Variants in GRM5 observed in about 807,000 individuals in gnomAD.
The protein encoded by GRM5 is metabotropic glutamate receptor 5.
GRM5 carries 19 observed loss-of-function variants against 83.1 expected under a neutral mutation model. That is an observed-to-expected ratio of 0.23 (90% CI 0.16 to 0.34). The LOEUF (loss-of-function observed/expected upper bound fraction) is 0.34, where lower values mean the gene tolerates loss of function less well. Among genes scored for constraint, GRM5 ranks in the 10% least tolerant of loss-of-function variants. The pLI, the probability that GRM5 is intolerant of heterozygous loss-of-function variation, is 1.00. For missense variants in GRM5, 1,160 were observed against 1,588.3 expected, an observed-to-expected ratio of 0.73 and a Z score of 4.58; for synonymous variants, 675 against 633.6, an observed-to-expected ratio of 1.07 and a Z score of -0.98.
chr11:88,831,389 T>C (rs1426644555), intron 3 of GRM5, among the ~76,000 whole-genome samples: 1 of 152,196 alleles, frequency 6.6e-6, no homozygotes, highest in Non-Finnish European at 1.5e-5. Flanking sequence ...CTCCTGCCTA[T>C]GGCTTTTGCC....
intron 3 of GRM5, among the ~76,000 whole-genome samples, chr11:88,720,101 A>AAGAC (rs1243032912): frequency 2.6e-5 from 4 of 152,006 alleles, no homozygotes; most frequent in African/African-American, 4.8e-5. Flanking sequence ...AAGTCCCGTG[A>AAGAC]AGACAGAACC....
At chr11:88,885,463 T>C (rs1193337132) in intron 2 of GRM5, among the ~76,000 whole-genome samples, 2 of 116,094 alleles carry the variant, frequency 1.7e-5, no homozygotes, top group Admixed American at 2.1e-4. Context: ...TTTTTTTTTT[T>C]TTTTTTTTTT....
intron 4 of GRM5, among the ~76,000 whole-genome samples, chr11:88,619,425 C>A (rs567237328): frequency 6.6e-6 from 1 of 152,186 alleles, no homozygotes; most frequent in Middle Eastern, 3.2e-3. Context: ...AACACTGGCT[C>A]CATATTCTCA....
At chr11:88,675,505 T>G (rs1940305065) in intron 3 of GRM5, among the ~76,000 whole-genome samples, 1 of 151,922 alleles carries the variant, frequency 6.6e-6, no homozygotes, top group Non-Finnish European at 1.5e-5. Flanking sequence ...ATTTATGTCT[T>G]CAAGAAAATT....
chr11:88,858,593 T>C (rs1307526974), intron 2 of GRM5, among the ~76,000 whole-genome samples: 4 of 152,030 alleles, frequency 2.6e-5, no homozygotes, highest in Non-Finnish European at 5.9e-5. Flanking sequence ...GTGACAGTTT[T>C]AACTGCCATA....
At chr11:88,748,351 C>T (rs1942187794) in intron 3 of GRM5, among the ~76,000 whole-genome samples, 1 of 152,128 alleles carries the variant, frequency 6.6e-6, no homozygotes, top group Non-Finnish European at 1.5e-5. Flanking sequence ...CAGTATTGTT[C>T]TGCAGGCCCT....
chr11:88,615,399 T>A, intron 4 of GRM5, among the ~76,000 whole-genome samples: 1 of 152,194 alleles, frequency 6.6e-6, no homozygotes, highest in East Asian at 1.9e-4. Flanking sequence ...ATGATTTGTT[T>A]CAGCATTCAT....
intron 3 of GRM5, among the ~76,000 whole-genome samples, chr11:88,681,386 A>G (rs915089899): frequency 6.6e-6 from 1 of 151,338 alleles, no homozygotes; most frequent in Non-Finnish European, 1.5e-5. Flanking sequence ...CTTTTTTGCA[A>G]TTTACTTTTT....
At chr11:88,652,419 A>G (rs544179065) in intron 4 of GRM5, among the ~76,000 whole-genome samples, 2 of 152,148 alleles carry the variant, frequency 1.3e-5, no homozygotes, top group Admixed American at 1.3e-4. Context: ...CTTTTTGGAC[A>G]TGTTACAAAT....
chr11:88,538,133 C>G (rs950803242), intron 8 of GRM5, among the ~76,000 whole-genome samples: 16 of 150,076 alleles, frequency 1.1e-4, no homozygotes, highest in African/African-American at 3.4e-4. Context: ...AAGAACAAAC[C>G]AACCACGGGA....
At chr11:88,841,680 TC>T (rs1476269777) in intron 3 of GRM5, among the ~76,000 whole-genome samples, 1 of 152,208 alleles carries the variant, frequency 6.6e-6, no homozygotes, top group African/African-American at 2.4e-5. Flanking sequence ...CAGACCGGAA[TC>T]CACAGTACAT....
chr11:89,036,342 A>C (rs1355076188), intron 2 of GRM5, among the ~76,000 whole-genome samples: 1 of 152,124 alleles, frequency 6.6e-6, no homozygotes, highest in Non-Finnish European at 1.5e-5. Context: ...AGAGTCTAAA[A>C]TTCACTACAT....
At chr11:88,906,647 A>G (rs604726) in intron 2 of GRM5, among the ~76,000 whole-genome samples, 143,513 of 152,248 alleles carry the variant, frequency 0.94, 67,700 homozygotes, top group South Asian at 0.97. Flanking sequence ...AATAACCACA[A>G]TTATGGTGTA....
chr11:88,555,374 G>A (rs559456156), intron 8 of GRM5, among the ~76,000 whole-genome samples: 3 of 152,210 alleles, frequency 2.0e-5, no homozygotes, highest in African/African-American at 4.8e-5. Flanking sequence ...CAAAACACAT[G>A]GAAAAGAGTC....
chr11:88,569,615 A>G (rs988544117), intron 7 of GRM5, among the ~76,000 whole-genome samples: 1 of 152,206 alleles, frequency 6.6e-6, no homozygotes, highest in African/African-American at 2.4e-5. Flanking sequence ...GCACATAAAC[A>G]TGATGGCTAC....
intron 2 of GRM5, among the ~76,000 whole-genome samples, chr11:89,007,928 A>G (rs1239476435): frequency 6.6e-6 from 1 of 152,214 alleles, no homozygotes; most frequent in Non-Finnish European, 1.5e-5. Context: ...TTCCTTGTTT[A>G]ATCACTCACA....
chr11:89,054,131 G>A (rs11018441), intron 1 of GRM5, among the ~76,000 whole-genome samples: 1 of 151,986 alleles, frequency 6.6e-6, no homozygotes, highest in Non-Finnish European at 1.5e-5. Context: ...AGAAAATGAA[G>A]AGAAAATTAG....
intron 2 of GRM5, among the ~76,000 whole-genome samples, chr11:88,912,680 G>T (rs540104729): frequency 1.3e-5 from 2 of 152,250 alleles, no homozygotes; most frequent in South Asian, 2.1e-4. Context: ...CAACATCCTT[G>T]TTAATGTTCA....
rs376825993 is a variant in GRM5 at position 88,578,844 on chromosome 11, GCTAA to G, written c.1691-10856_1691-10853del. ...GTGCTAACTGAAACAACTTTATCAAGCTAACTGTTTGAAAAAAAAAAGACAGTGC... is the reference window on the plus strand; with the variant it reads ...GTGCTAACTGAAACAACTTTATCAAGCTGTTTGAAAAAAAAAAGACAGTGC... On this transcript the variant is annotated intron_variant, in intron 7 of 9. Transcript: ENST00000305447. Among the ~76,000 whole-genome samples the G allele has an allele frequency of 2.1e-4, 32 of 151,752 alleles. No individual in the cohort carries two copies. In the East Asian group the frequency reaches 6.2e-3, roughly 29 times the overall value.
Sources: gnomAD v4.1 joint callset for allele counts (sites outside exome capture counted in the v4.1 genomes callset) on GRCh38, gnomAD v4.1.1 for gene constraint, MANE v1.5 for transcripts, NCBI Gene and HGNC (gene_info 2026-07-23, HGNC 2026-07-21) for gene names.